Variants in RAD51B observed in about 807,000 individuals in gnomAD.
The protein encoded by RAD51B is DNA repair protein RAD51 homolog 2.
In RAD51B, 38 loss-of-function variants were observed where a neutral mutation model predicts 42.2. That is an observed-to-expected ratio of 0.90 (90% CI 0.70 to 1.18). The LOEUF (loss-of-function observed/expected upper bound fraction) is 1.18. Among genes scored for constraint, RAD51B ranks in the 50% most tolerant of loss-of-function variants. The pLI is 0.00. For missense variants in RAD51B, 373 were observed against 400.7 expected (o/e 0.93, Z 0.59); for synonymous variants, 154 against 145.2 (o/e 1.06, Z -0.43).
chr14:68,285,830 C>T (rs564218421), intron 7 of RAD51B, among the ~76,000 whole-genome samples: 2 of 152,194 alleles, frequency 1.3e-5, no homozygotes, highest in South Asian at 2.1e-4. Flanking sequence ...CAAAACTTCC[C>T]GTGGGCGCCG....
intron 9 of RAD51B, among the ~76,000 whole-genome samples, chr14:68,438,281 T>C (rs2085195708): frequency 1.3e-5 from 2 of 151,952 alleles, no homozygotes; most frequent in Admixed American, 1.3e-4. Context: ...AGGGAAGAGT[T>C]ATGAGATGGT....
At chr14:68,667,251 A>G (rs1473138245) in intron 11 of RAD51B, among the ~76,000 whole-genome samples, 1 of 152,234 alleles carries the variant, frequency 6.6e-6, no homozygotes, top group Non-Finnish European at 1.5e-5. Flanking sequence ...CTTGAGTCCA[A>G]AGGCTGGAAA....
At chr14:67,970,482 G>C (rs1370046609) in intron 7 of RAD51B, among the ~76,000 whole-genome samples, 1 of 151,208 alleles carries the variant, frequency 6.6e-6, no homozygotes, top group African/African-American at 2.4e-5. Context: ...AAAGTGAGTG[G>C]TCTTACCTTT....
intron 7 of RAD51B, among the ~76,000 whole-genome samples, chr14:68,235,658 C>T (rs1447035844): frequency 7.0e-6 from 1 of 143,214 alleles, no homozygotes; most frequent in East Asian, 2.0e-4. Flanking sequence ...GAGCCGAGAT[C>T]CCGCCACTGC....
chr14:68,682,930 T>G, intron 11 of RAD51B: 3 of 796,812 alleles, frequency 3.8e-6, no homozygotes, highest in Non-Finnish European at 4.4e-6. Flanking sequence ...TTTTTTTTTT[T>G]GTATAGGGCA....
At chr14:68,609,572 G>C (rs576669305) in intron 10 of RAD51B, among the ~76,000 whole-genome samples, 2 of 152,308 alleles carry the variant, frequency 1.3e-5, no homozygotes, top group Admixed American at 1.3e-4. Flanking sequence ...TCCACACCAA[G>C]TGGCCGCCGT....
chr14:68,541,437 T>TTAA (rs1299826534), intron 10 of RAD51B: 6 of 985,268 alleles, frequency 6.1e-6, no homozygotes, highest in Non-Finnish European at 7.2e-6. Flanking sequence ...TCAGAATCAA[T>TTAA]TAATCATGCC....
At chr14:67,893,495 C>CAAA (rs2043291369) in intron 7 of RAD51B, among the ~76,000 whole-genome samples, 2 of 77,606 alleles carry the variant, frequency 2.6e-5, no homozygotes, top group African/African-American at 6.7e-5. Flanking sequence ...CACACACACA[C>CAAA]ACACACACAC....
At chr14:68,297,301 A>T (rs1253091934) in intron 8 of RAD51B, among the ~76,000 whole-genome samples, 2 of 152,176 alleles carry the variant, frequency 1.3e-5, no homozygotes, top group African/African-American at 4.8e-5. Context: ...ATGTTTGAAA[A>T]TGTGGCTCCC....
chr14:67,875,356 T>C (rs559513888), intron 5 of RAD51B, among the ~76,000 whole-genome samples: 87 of 152,316 alleles, frequency 5.7e-4, no homozygotes, highest in African/African-American at 2.0e-3. Context: ...GGTGTGCATG[T>C]CACCTCTCAG....
At chr14:68,374,964 C>T (rs1469876594) in intron 8 of RAD51B, among the ~76,000 whole-genome samples, 5 of 151,210 alleles carry the variant, frequency 3.3e-5, no homozygotes, top group African/African-American at 9.7e-5. Flanking sequence ...GGCGTGAATC[C>T]GAGACAATGA....
At chr14:68,088,624 C>CAG (rs145869631) in intron 7 of RAD51B, among the ~76,000 whole-genome samples, 32 of 120,894 alleles carry the variant, frequency 2.6e-4, no homozygotes, top group African/African-American at 3.5e-4. Flanking sequence ...GTGTGTGAGA[C>CAG]AGAGAGAGAG....
chr14:68,510,927 G>T (rs545257937), intron 10 of RAD51B, among the ~76,000 whole-genome samples: 32 of 152,198 alleles, frequency 2.1e-4, no homozygotes, highest in Non-Finnish European at 4.4e-4. Flanking sequence ...CTGGCTCTGG[G>T]CTAGGGAAAA....
chr14:68,153,435 A>G (rs908064124), intron 7 of RAD51B, among the ~76,000 whole-genome samples: 1 of 152,152 alleles, frequency 6.6e-6, no homozygotes, highest in African/African-American at 2.4e-5. Context: ...CAATGGTTGA[A>G]CTAATTTGCA....
intron 7 of RAD51B, among the ~76,000 whole-genome samples, chr14:68,206,222 C>T (rs1206103396): frequency 6.6e-6 from 1 of 152,134 alleles, no homozygotes; most frequent in Non-Finnish European, 1.5e-5. Context: ...CTTGAGTTAT[C>T]ACATCTGCAG....
chr14:68,314,120 T>C (rs1159148035), intron 8 of RAD51B, among the ~76,000 whole-genome samples: 1 of 152,128 alleles, frequency 6.6e-6, no homozygotes, highest in Admixed American at 6.5e-5. Context: ...TTGATCAGAG[T>C]CATTCTCTCT....
intron 8 of RAD51B, 146 bp from the exon 9 acceptor site, chr14:68,411,278 C>T: frequency 1.5e-6 from 1 of 685,800 alleles, no homozygotes; most frequent in Non-Finnish European, 2.6e-6. Context: ...CCCTCTCCTA[C>T]TTCACTGATT....
chr14:68,641,654 A>G (rs1056351337), intron 10 of RAD51B, among the ~76,000 whole-genome samples: 2 of 151,538 alleles, frequency 1.3e-5, no homozygotes, highest in African/African-American at 2.4e-5. Flanking sequence ...TTTATCATGA[A>G]TGGGTGTTGG....
intron 7 of RAD51B, among the ~76,000 whole-genome samples, chr14:68,089,220 C>T (rs916920539): frequency 6.6e-6 from 1 of 152,016 alleles, no homozygotes; most frequent in Non-Finnish European, 1.5e-5. Context: ...TGCTTTTGGT[C>T]CTTGCTGGGA....
Sources: allele counts gnomAD v4.1 joint callset (sites outside exome capture counted in the v4.1 genomes callset), GRCh38; gene constraint gnomAD v4.1.1; transcripts MANE v1.5; gene names NCBI Gene and HGNC (gene_info 2026-07-23, HGNC 2026-07-21).